The following FMN1 variants were observed in gnomAD, a reference collection of about 807,000 sequenced individuals.
The protein encoded by FMN1 is formin 1, also known as formin-1.
In FMN1, 110 loss-of-function variants were observed where a neutral mutation model predicts 132.4. That is an observed-to-expected ratio of 0.83 (90% CI 0.71 to 0.97). The LOEUF (loss-of-function observed/expected upper bound fraction) is 0.97. Ranked by LOEUF, FMN1 falls within the 50% of genes least tolerant of loss-of-function variation. The pLI is 0.00. For synonymous variants in FMN1, 722 were observed against 651.7 expected, an observed-to-expected ratio of 1.11 and a Z score of -1.64; for missense variants, 1,792 against 1,705.3, an observed-to-expected ratio of 1.05 and a Z score of -0.90.
Position 32,902,982 on chromosome 15 carries a change from T to C in FMN1, c.3378-942A>G, listed in dbSNP as rs540065646. On this transcript the variant is annotated intron_variant, in intron 12 of 20. Coordinates refer to ENST00000616417, the MANE Select transcript of FMN1 (RefSeq NM_001277313.2). ...CTCATAACGTCATTACCAAGGAATT[T>C]TGCCATCTCTCACCAAAAATGGTTT... is the stretch of plus-strand genomic sequence containing the variant. Among the ~76,000 whole-genome samples the C allele has an allele frequency of 1.3e-4, 20 of 152,346 alleles. No individual in the cohort carries two copies. In the South Asian group the frequency reaches 3.5e-3, roughly 27 times the overall value.
intron 4 of FMN1, among the ~76,000 whole-genome samples, chr15:33,128,758 C>T (rs77035273): frequency 2.0e-4 from 30 of 152,178 alleles, no homozygotes; most frequent in African/African-American, 6.3e-4. Flanking sequence ...TTTTAAAGCC[C>T]TTAAAAGTGG....
chr15:32,813,880 T>G (rs1394874350), intron 17 of FMN1, among the ~76,000 whole-genome samples: 1 of 152,224 alleles, frequency 6.6e-6, no homozygotes, highest in Non-Finnish European at 1.5e-5. Context: ...ATAATCTACA[T>G]TTTCCAACGC....
intron 10 of FMN1, among the ~76,000 whole-genome samples, chr15:32,918,915 G>C (rs537117505): frequency 1.2e-4 from 18 of 152,218 alleles, no homozygotes; most frequent in African/African-American, 3.4e-4. Context: ...CCGCTGCTTA[G>C]GTGTTTTAGA....
At position 32,874,139 on chromosome 15, in the gene FMN1, AG is replaced by A. The variant is rs2059584927; in HGVS notation, c.3835+14032del. Among the ~76,000 whole-genome samples, 4 of 148,038 alleles carry A rather than the reference AG, an allele frequency of 2.7e-5. No individual in the cohort carries two copies. In the South Asian group the frequency reaches 8.5e-4, roughly 32 times the overall value. On this transcript the variant is annotated intron_variant, in intron 16 of 20. Transcript: ENST00000616417. ...TGGGTTCAAGCGATTCTCCTGCCTT[AG>A]CCTCCTGAGTAGCTTGGATTACAGG...
chr15:32,842,114 C>T (rs958434086), intron 17 of FMN1, among the ~76,000 whole-genome samples: 10 of 152,168 alleles, frequency 6.6e-5, no homozygotes, highest in African/African-American at 1.7e-4. Context: ...ACAACAGTGA[C>T]GTGATGTTTC....
At chr15:32,834,467 G>GA (rs2058576690) in intron 17 of FMN1, among the ~76,000 whole-genome samples, 1 of 152,102 alleles carries the variant, frequency 6.6e-6, no homozygotes, top group African/African-American at 2.4e-5. Flanking sequence ...CCTCAAGGAG[G>GA]AAAAAATCAG....
intron 17 of FMN1, among the ~76,000 whole-genome samples, chr15:32,823,166 T>TTGTTTTG (rs2058272147): frequency 1.0e-5 from 1 of 100,134 alleles, no homozygotes; most frequent in Non-Finnish European, 2.2e-5. Flanking sequence ...TTTTTTTTTT[T>TTGTTTTG]TTTTTTTTTT....
intron 6 of FMN1, among the ~76,000 whole-genome samples, chr15:33,019,398 C>T (rs951342301): frequency 2.6e-5 from 4 of 152,204 alleles, no homozygotes; most frequent in Non-Finnish European, 5.9e-5. Flanking sequence ...AAGACCCCAC[C>T]AGACTCAGGA....
At chr15:33,005,746 T>C (rs969793397) in intron 7 of FMN1, among the ~76,000 whole-genome samples, 3 of 152,196 alleles carry the variant, frequency 2.0e-5, no homozygotes, top group South Asian at 2.1e-4. Flanking sequence ...GCTTACAGAA[T>C]CACTTCTGTT....
At chr15:32,879,530 A>G (rs1208858939) in intron 16 of FMN1, among the ~76,000 whole-genome samples, 1 of 152,212 alleles carries the variant, frequency 6.6e-6, no homozygotes, top group African/African-American at 2.4e-5. Flanking sequence ...TCCATTGAGT[A>G]AAGTGCAGAC....
chr15:32,877,652 C>T (rs693818), intron 16 of FMN1, among the ~76,000 whole-genome samples: 13,918 of 152,190 alleles, frequency 0.091, 1,460 homozygotes, highest in African/African-American at 0.26. Flanking sequence ...TACCCACCCA[C>T]ATAATACAAT....
chr15:33,088,848 T>A lies in FMN1; in HGVS notation c.1994A>T (p.His665Leu), dbSNP rs576694322. The change falls in exon 5 of 21, where the codon CAT becomes CTT. Residue 665 changes from histidine (H) to leucine (L), a missense_variant. His to Leu is a moderately conservative substitution (Grantham distance 99). This residue lies in a region of FMN1 where 1,150 missense variants were observed against 1,043.1 expected (regional missense o/e 1.10). Transcript: ENST00000616417. ...RAGPACPFLL[H>L]EEREKSNRSE... is the part of the protein sequence containing the mutation. ...CCTGTTTGACTTCTCCCTTTCCTCA[T>A]GAAGCAAAAATGGACAGGCTGGTCC... 3.3e-6 allele frequency: 5 copies of A among 1,535,922 alleles called. No homozygotes were observed. In the African/African-American group the frequency reaches 6.8e-5, roughly 21 times the overall value.
intron 4 of FMN1, among the ~76,000 whole-genome samples, chr15:33,135,604 G>A (rs149272229): frequency 3.3e-5 from 5 of 152,278 alleles, no homozygotes; most frequent in Non-Finnish European, 5.9e-5. Flanking sequence ...AGGAGGCCTC[G>A]TGCCAGAGGT....
rs574585704 is a variant in FMN1, at chr15:32,800,682, A to G, written c.3981-1729T>C. Among the ~76,000 whole-genome samples, 11 of 152,320 alleles carry G rather than the reference A, an allele frequency of 7.2e-5. No homozygotes were observed. In the East Asian group the frequency reaches 1.5e-3, roughly 21 times the overall value. ...TATAGGTGACAAAACAGAGACCTGGAAAGACTGTGTGGCATTATTCCCTGG... is the reference window on the plus strand; with the variant it reads ...TATAGGTGACAAAACAGAGACCTGGGAAGACTGTGTGGCATTATTCCCTGG... On this transcript the variant is annotated intron_variant, in intron 18 of 20. Coordinates refer to ENST00000616417, the MANE Select transcript of FMN1 (RefSeq NM_001277313.2).
chr15:32,823,446 G>C (rs150774502), intron 17 of FMN1, among the ~76,000 whole-genome samples: 1 of 152,046 alleles, frequency 6.6e-6, no homozygotes, highest in African/African-American at 2.4e-5. Context: ...TTACAGGTGT[G>C]AGCCACTGCG....
At chr15:32,816,100 T>G (rs1262902724) in intron 17 of FMN1, among the ~76,000 whole-genome samples, 1 of 152,238 alleles carries the variant, frequency 6.6e-6, no homozygotes, top group Non-Finnish European at 1.5e-5. Context: ...TAATTCTTTG[T>G]AATCCAGTGA....
In FMN1 at chr15:32,774,171, A is replaced by C; in HGVS notation, c.*139T>G. 1.4e-6 allele frequency: 1 copy of C among 705,920 alleles called. No homozygotes were observed. The highest frequency in any genetic ancestry group is 2.5e-6 in the Non-Finnish European group (1 of 401,606). 43.7% of individuals were successfully genotyped at this position (705,920 alleles called of 1,614,324 possible). On this transcript the variant is annotated 3_prime_UTR_variant, in exon 21 of 21. Coordinates refer to ENST00000616417, the MANE Select transcript of FMN1 (RefSeq NM_001277313.2). Reference sequence around the variant, plus strand: ...AAAGAAGGCATGGGGCACTCTCTGCAGATGACCTCAGAAAGAGATGAGCAA... The same window carrying C: ...AAAGAAGGCATGGGGCACTCTCTGCCGATGACCTCAGAAAGAGATGAGCAA...
intron 5 of FMN1, among the ~76,000 whole-genome samples, chr15:33,085,778 G>A (rs930519349): frequency 2.0e-5 from 3 of 152,158 alleles, no homozygotes; most frequent in East Asian, 1.9e-4. Flanking sequence ...TTGTAGTCAC[G>A]CTATTTTATT....
chr15:32,850,570 A>G (rs2058986034), intron 17 of FMN1, among the ~76,000 whole-genome samples: 1 of 152,216 alleles, frequency 6.6e-6, no homozygotes, highest in Admixed American at 6.5e-5. Context: ...TAGGTACATT[A>G]CACAATTCAA....
Sources: gnomAD v4.1 joint callset for allele counts (sites outside exome capture counted in the v4.1 genomes callset) on GRCh38, gnomAD v4.1.1 for gene constraint, gnomAD v4.1.1 regional missense constraint, MANE v1.5 for transcripts, NCBI Gene and HGNC (gene_info 2026-07-23, HGNC 2026-07-21) for gene names.